RBPJ: variants seen among roughly 807,000 people sequenced by gnomAD.
The protein encoded by RBPJ is recombination signal binding protein for immunoglobulin kappa J region.
RBPJ carries 9 observed loss-of-function variants against 67.8 expected under a neutral mutation model. That is an observed-to-expected ratio of 0.13 (90% confidence interval 0.08 to 0.23). The LOEUF (loss-of-function observed/expected upper bound fraction) is 0.23. Among genes scored for constraint, RBPJ ranks in the 10% least tolerant of loss-of-function variants. RBPJ has a pLI of 1.00. For synonymous variants in RBPJ, 198 were observed against 203.3 expected, an observed-to-expected ratio of 0.97 and a Z score of 0.22; for missense variants, 305 against 595.6, an observed-to-expected ratio of 0.51 and a Z score of 5.08.
chr4:26,157,586 G>T, the RBPJ span, among the ~76,000 whole-genome samples: 1 of 152,130 alleles, frequency 6.6e-6, no homozygotes, highest in Non-Finnish European at 1.5e-5. Flanking sequence ...CCAGTATAAG[G>T]TTGTTTGGAT....
chr4:26,413,665 A>G (rs183744147), intron 3 of RBPJ, among the ~76,000 whole-genome samples: 1 of 152,350 alleles, frequency 6.6e-6, no homozygotes, highest in African/African-American at 2.4e-5. Context: ...TTCCATTAAT[A>G]TATTTTCAGT....
chr4:26,316,562 TATACAC>T (rs369116860), upstream of RBPJ, among the ~76,000 whole-genome samples: 24 of 139,294 alleles, frequency 1.7e-4, no homozygotes, highest in African/African-American at 5.9e-4. Context: ...TATTCATATA[TATACAC>T]ATTCATATAT....
At chr4:26,248,189 G>C (rs1380261854) in intron 1 of RBPJ, among the ~76,000 whole-genome samples, 1 of 152,062 alleles carries the variant, frequency 6.6e-6, no homozygotes, top group East Asian at 1.9e-4. Context: ...TATTCAGGAG[G>C]GTGAGGCAGG....
At chr4:26,383,259 T>C (rs1553874556) in intron 1 of RBPJ, among the ~76,000 whole-genome samples, 1 of 152,236 alleles carries the variant, frequency 6.6e-6, no homozygotes, top group Non-Finnish European at 1.5e-5. Context: ...TTTTAATTAA[T>C]ATTTACTTGT....
At chr4:26,160,772 T>C (rs1259447447), upstream of RBPJ, among the ~76,000 whole-genome samples, 1 of 152,158 alleles carries the variant, frequency 6.6e-6, no homozygotes, top group Non-Finnish European at 1.5e-5. Context: ...TCTAATGGCA[T>C]TTCATTGCCT....
chr4:26,368,815 G>C (rs998093922), intron 1 of RBPJ, among the ~76,000 whole-genome samples: 1 of 152,216 alleles, frequency 6.6e-6, no homozygotes, highest in African/African-American at 2.4e-5. Context: ...ACTTGAGTGA[G>C]AAATTCTAGC....
intron 1 of RBPJ, among the ~76,000 whole-genome samples, chr4:26,302,012 C>T (rs367769155): frequency 6.6e-6 from 1 of 152,080 alleles, no homozygotes; most frequent in Non-Finnish European, 1.5e-5. Flanking sequence ...AGGCTGGTCT[C>T]GAACTCCTGA....
intron 1 of RBPJ, among the ~76,000 whole-genome samples, chr4:26,194,258 A>G (rs1717673191): frequency 6.6e-6 from 1 of 152,174 alleles, no homozygotes; most frequent in Non-Finnish European, 1.5e-5. Flanking sequence ...AGTTGACACT[A>G]TGAAACTTGC....
At chr4:26,346,915 C>T (rs201739643) in intron 1 of RBPJ, among the ~76,000 whole-genome samples, 1 of 151,936 alleles carries the variant, frequency 6.6e-6, no homozygotes, top group East Asian at 1.9e-4. Flanking sequence ...TCACTTGAAC[C>T]CGGGAGGCGG....
the RBPJ span, among the ~76,000 whole-genome samples, chr4:26,109,511 T>TAC: frequency 4.7e-4 from 23 of 49,396 alleles, no homozygotes; most frequent in Non-Finnish European, 7.3e-4. Context: ...CATATATATA[T>TAC]ATACACACAC....
At chr4:26,145,526 C>A in the RBPJ span, among the ~76,000 whole-genome samples, 2 of 152,202 alleles carry the variant, frequency 1.3e-5, no homozygotes, top group Non-Finnish European at 2.9e-5. Flanking sequence ...CCTAACATAT[C>A]AATGTCCTCT....
chr4:26,203,120 C>CTA (rs1331137707), intron 1 of RBPJ, among the ~76,000 whole-genome samples: 1 of 152,158 alleles, frequency 6.6e-6, no homozygotes, highest in Non-Finnish European at 1.5e-5. Context: ...TAAAAAGGGT[C>CTA]TATCTGTTTG....
chr4:26,415,379 T>C (rs565513055), intron 3 of RBPJ, 96 bp from the exon 4 acceptor site: 1,609 of 1,087,716 alleles, frequency 1.5e-3, no homozygotes, highest in Non-Finnish European at 1.9e-3. Context: ...CATTTCAATA[T>C]GATTTTGTAT....
intron 1 of RBPJ, among the ~76,000 whole-genome samples, chr4:26,214,797 A>G (rs189213396): frequency 0.023 from 1,902 of 83,542 alleles, 72 homozygotes; most frequent in African/African-American, 0.081. Flanking sequence ...AAGAGAAGGA[A>G]GGAAGGGAAA....
At chr4:26,256,076 T>C (rs115385958) in intron 1 of RBPJ, among the ~76,000 whole-genome samples, 2,017 of 152,266 alleles carry the variant, frequency 0.013, 43 homozygotes, top group African/African-American at 0.045. Context: ...GATTCATGAA[T>C]AGTTTTAAAC....
chr4:26,180,122 T>C (rs1716929807), intron 1 of RBPJ, among the ~76,000 whole-genome samples: 1 of 152,042 alleles, frequency 6.6e-6, no homozygotes, highest in African/African-American at 2.4e-5. Flanking sequence ...AGCTAAATGA[T>C]GAGAACACAT....
In RBPJ at chr4:26,430,892, C is replaced by T; in HGVS notation, c.1349C>T (p.Ala450Val). The T allele has an allele frequency of 5.0e-6, 8 of 1,614,006 alleles. No individual in the cohort carries two copies. The highest frequency in any genetic ancestry group is 5.9e-6 in the Non-Finnish European group (7 of 1,179,998). Residue 450 changes from alanine (A) to valine (V), a missense_variant, in exon 11 of 11, where the codon GCC becomes GTC. Ala to Val is a moderately conservative substitution (Grantham distance 64). Transcript: ENST00000355476. The surrounding 1 kb of genome is among the most constrained non-coding windows in gnomAD (Gnocchi z 4.1). ...HCSAAGAILR[A>V]NSSQVPPNES... ...AGTGCAGCAGGAGCAATCCTTCGAG[C>T]CAATTCAAGCCAGGTGCCCCCTAAC...
the RBPJ span, among the ~76,000 whole-genome samples, chr4:26,131,388 G>A: frequency 3.9e-5 from 6 of 152,172 alleles, no homozygotes; most frequent in South Asian, 2.1e-4. Context: ...CAAGTATTAC[G>A]TGGTGTCAGA....
intron 1 of RBPJ, among the ~76,000 whole-genome samples, chr4:26,360,977 T>C (rs1431141168): frequency 6.6e-6 from 1 of 150,574 alleles, no homozygotes; most frequent in African/African-American, 2.4e-5. Flanking sequence ...TAAAGATTTG[T>C]AGTTCTGTGA....
Sources: allele counts gnomAD v4.1 joint callset (sites outside exome capture counted in the v4.1 genomes callset), GRCh38; gene constraint gnomAD v4.1.1; non-coding constraint Gnocchi (gnomAD v3.1); transcripts MANE v1.5; gene names NCBI Gene and HGNC (gene_info 2026-07-23, HGNC 2026-07-21).